Variants in WSB2 observed in about 807,000 individuals in gnomAD.
WSB2 encodes the protein WD repeat and SOCS box-containing protein 2.
A neutral mutation model predicts 48.8 loss-of-function variants in WSB2; 12 were observed. The ratio of observed to expected loss-of-function variants is 0.25; its 90% CI spans 0.16 to 0.40. The LOEUF (loss-of-function observed/expected upper bound fraction) is 0.40. Among genes scored for constraint, WSB2 ranks in the 10% least tolerant of loss-of-function variants. The pLI, the probability that WSB2 is intolerant of heterozygous loss-of-function variation, is 1.00. For missense variants in WSB2, 317 were observed against 506.2 expected (o/e 0.63, Z 3.59); for synonymous variants, 191 against 203.1 (o/e 0.94, Z 0.51).
rs1269176489 is a variant in WSB2 at position 118,033,358 on chromosome 12, A to G, written c.*838T>C. On this transcript the variant is annotated 3_prime_UTR_variant, in exon 9 of 9. Transcript: ENST00000315436. ...TTTGCAACTGTTCAATTTAAGTACT[A>G]TGGTTTTTAGATAATCGAGAAAAAC... 3.3e-5 allele frequency: 5 copies of G among 152,630 alleles called. No homozygotes were observed. The highest frequency in any genetic ancestry group is 7.3e-5 in the Non-Finnish European group (5 of 68,046). The allele number at this position is 152,630 out of a possible 1,614,324, so 9.5% of individuals were successfully genotyped here. A position where few individuals can be genotyped will look rare whatever the true frequency, so the allele number is the denominator to read the frequency against.
chr12:118,061,397 G>T (rs955293601), upstream of WSB2, among the ~76,000 whole-genome samples: 17 of 148,942 alleles, frequency 1.1e-4, no homozygotes, highest in Admixed American at 6.7e-5. Flanking sequence ...GGGCAGGGGT[G>T]GGGGGAGCTG....
chr12:118,054,450 C>G (rs958431756), intron 1 of WSB2, among the ~76,000 whole-genome samples: 3 of 151,818 alleles, frequency 2.0e-5, no homozygotes, highest in Middle Eastern at 3.4e-3. Flanking sequence ...GCGGGCAGAT[C>G]ACCTGAGGTC....
intron 2 of WSB2, among the ~76,000 whole-genome samples, chr12:118,048,691 G>A (rs1033670479): frequency 6.6e-6 from 1 of 151,794 alleles, no homozygotes; most frequent in Admixed American, 6.6e-5. Context: ...GAAAAAAAAT[G>A]GTTAATACTC....
At chr12:118,056,319 C>G (rs939907797) in intron 1 of WSB2, among the ~76,000 whole-genome samples, 1 of 152,158 alleles carries the variant, frequency 6.6e-6, no homozygotes, top group Non-Finnish European at 1.5e-5. Flanking sequence ...CCTGGAATGC[C>G]TCTCCTCGGC....
At chr12:118,058,494 A>G (rs11068798) in intron 1 of WSB2, among the ~76,000 whole-genome samples, 47,626 of 151,532 alleles carry the variant, frequency 0.31, 8,378 homozygotes, top group East Asian at 0.55. Context: ...GACTACAGGC[A>G]CATTCTACCA....
chr12:118,034,164 C>G lies in WSB2; in HGVS notation c.*32G>C. 7 of 1,613,190 alleles carry G rather than the reference C, an allele frequency of 4.3e-6. No homozygotes were observed. The highest frequency in any genetic ancestry group is 1.7e-4 in the Middle Eastern group (1 of 5,960). ...ACTCCCTTTGACAGGACGATTTACC[C>G]TGCTACAAAGAAGCACAAGATGTGG... On this transcript the variant is annotated 3_prime_UTR_variant, in exon 9 of 9. Coordinates refer to ENST00000315436, the MANE Select transcript of WSB2 (RefSeq NM_018639.5).
chr12:118,035,428 C>T, intron 6 of WSB2, 104 bp from the exon 7 acceptor site: 1 of 937,612 alleles, frequency 1.1e-6, no homozygotes, highest in Non-Finnish European at 1.7e-6. Context: ...TACAAAAGGG[C>T]TCAAGATGCA....
intron 1 of WSB2, among the ~76,000 whole-genome samples, chr12:118,058,329 G>A (rs1428436919): frequency 4.0e-5 from 6 of 151,866 alleles, no homozygotes; most frequent in African/African-American, 7.3e-5. Context: ...TATCTAAAGC[G>A]ACCATACACT....
chr12:118,052,163 C>T, intron 2 of WSB2, 147 bp downstream of exon 2: 1 of 1,181,536 alleles, frequency 8.5e-7, no homozygotes, highest in Admixed American at 2.9e-5. Context: ...TTCACATATA[C>T]AGAACTTGGG....
chr12:118,058,240 A>C (rs374123497), intron 1 of WSB2, among the ~76,000 whole-genome samples: 42 of 152,180 alleles, frequency 2.8e-4, no homozygotes, highest in African/African-American at 9.9e-4. Flanking sequence ...CCGGCCTCAA[A>C]AGCTTTCCTC....
At chr12:118,050,997 A>C (rs1007594878) in intron 2 of WSB2, among the ~76,000 whole-genome samples, 4 of 152,102 alleles carry the variant, frequency 2.6e-5, no homozygotes, top group Non-Finnish European at 5.9e-5. Context: ...GGTTGCAATA[A>C]GCTGAGATCA....
chr12:118,052,171 G>A, intron 2 of WSB2, 139 bp downstream of exon 2: 1 of 1,231,662 alleles, frequency 8.1e-7, no homozygotes, highest in South Asian at 1.6e-5. Flanking sequence ...TACAGAACTT[G>A]GGGCTCTGGA....
chr12:118,052,313 T>A lies in WSB2; in HGVS notation c.179A>T (p.Gln60Leu), dbSNP rs760533303. The stretch of plus-strand genomic sequence containing the variant: ...GCCCCAGTACGAGAATACTTACAAC[T>A]GCTCCTCCAACGGCCAGGGGATCAG... Reference protein sequence around the residue: ...VKLIPWPLEEQFIPKGFEAKS... With the variant: ...VKLIPWPLEELFIPKGFEAKS... Residue 60 changes from glutamine (Q) to leucine (L), a missense_variant, in exon 2 of 9, where the codon CAG becomes CTG. Coordinates refer to ENST00000315436, the MANE Select transcript of WSB2 (RefSeq NM_018639.5). 4 of 1,613,902 alleles carry A rather than the reference T, an allele frequency of 2.5e-6. No homozygotes were observed. The South Asian group carries it at 3.3e-5, about 13-fold the overall frequency.
In WSB2 at chr12:118,043,188, C is replaced by T. The variant is rs1476351677; in HGVS notation, c.372G>A (p.Leu124=). 6.2e-7 allele frequency: 1 copy of T among 1,614,238 alleles called. No homozygotes were observed. The highest frequency in any genetic ancestry group is 8.5e-7 in the Non-Finnish European group (1 of 1,180,048). Residue 124 remains leucine (L), a synonymous_variant, in exon 3 of 9, where the codon CTG becomes CTA. Coordinates refer to ENST00000315436, the MANE Select transcript of WSB2 (RefSeq NM_018639.5). ...CATCGTTGAGTCCCGTAGCAAGAACCAGGCAAGAGACATCGGGCACTTGGG... is the reference window on the plus strand; with the variant it reads ...CATCGTTGAGTCCCGTAGCAAGAACTAGGCAAGAGACATCGGGCACTTGGG... ...HHPQVPDVSC[L]VLATGLNDGQ...
chr12:118,052,833 C>T (rs2031880680), intron 1 of WSB2, among the ~76,000 whole-genome samples: 1 of 152,134 alleles, frequency 6.6e-6, no homozygotes, highest in Admixed American at 6.5e-5. Flanking sequence ...AATAGCAAGG[C>T]CTTCCAATGC....
At chr12:118,043,430 A>G (rs1328647675) in intron 2 of WSB2, 53 bp from the exon 3 acceptor site, 16 of 1,512,394 alleles carry the variant, frequency 1.1e-5, no homozygotes, top group Middle Eastern at 1.8e-4. Flanking sequence ...CAGTCTATCA[A>G]CTTTTCATCC....
chr12:118,035,488 AG>A (rs998335136), intron 6 of WSB2, among the ~76,000 whole-genome samples, 164 bp from the exon 7 acceptor site: 3 of 152,206 alleles, frequency 2.0e-5, no homozygotes, highest in African/African-American at 7.2e-5. Context: ...GGGAAAAAAA[AG>A]GGTATCTCAG....
At chr12:118,061,904 A>T (rs2032077614), upstream of WSB2, among the ~76,000 whole-genome samples, 1 of 119,458 alleles carries the variant, frequency 8.4e-6, no homozygotes, top group African/African-American at 3.2e-5. Context: ...GGACGTAAGA[A>T]TTGGGGGGTG....
At chr12:118,042,093 A>G (rs1040814776) in intron 4 of WSB2, among the ~76,000 whole-genome samples, 3 of 152,170 alleles carry the variant, frequency 2.0e-5, no homozygotes, top group African/African-American at 7.2e-5. Context: ...CAATCCAGAA[A>G]TGTATGGAAT....
Sources: gnomAD v4.1 joint callset for allele counts (sites outside exome capture counted in the v4.1 genomes callset) on GRCh38, gnomAD v4.1.1 for gene constraint, MANE v1.5 for transcripts, NCBI Gene and HGNC (gene_info 2026-07-23, HGNC 2026-07-21) for gene names.